The following ABLIM2 variants were observed in gnomAD, a reference collection of about 807,000 sequenced individuals.
ABLIM2 encodes actin-binding LIM protein 2.
In ABLIM2, 53 loss-of-function variants were observed where a neutral mutation model predicts 97.7. That is an observed-to-expected ratio of 0.54 (90% CI 0.44 to 0.68). ABLIM2 has a LOEUF of 0.68. Among genes scored for constraint, ABLIM2 ranks in the 30% least tolerant of loss-of-function variants. ABLIM2 has a pLI of 0.00. For synonymous variants in ABLIM2, 361 were observed against 345.8 expected (o/e 1.04, Z -0.49); for missense variants, 835 against 867.2 (o/e 0.96, Z 0.47).
In ABLIM2 at chr4:8,009,083, C is replaced by A; in HGVS notation, c.1443G>T (p.Gly481=). The part of the protein sequence containing the change: ...YRQHAARRSD[G]EDGSLDQDNR... ...TATCCTGGTCCAAGCTTCCATCCTC[C>A]CCATCCGATCGCCTGGCAGCTGGAA... Residue 481 remains glycine, a synonymous_variant, in exon 15 of 21, where the codon GGG becomes GGT. Transcript: ENST00000447017. 1 of 1,614,040 alleles carries A rather than the reference C, an allele frequency of 6.2e-7. No individual in the cohort carries two copies. Among genetic ancestry groups the A allele is most frequent in the South Asian group, 1.1e-5 (1 of 91,082 alleles).
chr4:8,119,725 T>A (rs371184606), intron 1 of ABLIM2, among the ~76,000 whole-genome samples: 34 of 152,314 alleles, frequency 2.2e-4, no homozygotes, highest in South Asian at 1.2e-3. Flanking sequence ...GACACTGTCT[T>A]TTAAAAAACA....
rs772599997 is a variant in ABLIM2 at position 8,127,577 on chromosome 4, G to A, written c.11-20940C>T. ...TCTCCCCCTGGCACCCCCATGGAGC[G>A]TGGCTGCTTGCAAAGGGCCAGCGGG... On this transcript the variant is annotated intron_variant, in intron 1 of 20. Transcript: ENST00000447017. This position sits in a 1 kb window ranked among gnomAD's most constrained non-coding sequence, Gnocchi z 7.3. 21 of 1,289,612 alleles carry A rather than the reference G, an allele frequency of 1.6e-5. No individual in the cohort carries two copies. The highest frequency in any genetic ancestry group is 1.1e-4 in the East Asian group (2 of 18,026). 79.9% of individuals were successfully genotyped at this position (1,289,612 alleles called of 1,614,324 possible).
At chr4:8,131,999 A>ACGG in intron 1 of ABLIM2, among the ~76,000 whole-genome samples, 3 of 150,256 alleles carry the variant, frequency 2.0e-5, no homozygotes, top group African/African-American at 5.0e-5. Flanking sequence ...CATCCCCTGC[A>ACGG]CAGCAGCCCG....
intron 20 of ABLIM2, among the ~76,000 whole-genome samples, chr4:7,975,765 G>A (rs150012412): frequency 1.1e-4 from 16 of 152,252 alleles, no homozygotes; most frequent in African/African-American, 3.1e-4. Context: ...TGATGTGTGC[G>A]TCGCTATAGT....
intron 2 of ABLIM2, among the ~76,000 whole-genome samples, chr4:8,104,682 G>A (rs754214155): frequency 6.6e-6 from 1 of 152,178 alleles, no homozygotes; most frequent in East Asian, 1.9e-4. Context: ...AGAGCTGGCT[G>A]AGCTCAGCGT....
At position 8,120,155 on chromosome 4, in the gene ABLIM2, C is replaced by T. The variant is rs973909847; in HGVS notation, c.11-13518G>A. On this transcript the variant is annotated intron_variant, in intron 1 of 20. Transcript: ENST00000447017. The surrounding 1 kb of genome is among the most constrained non-coding windows in gnomAD (Gnocchi z 5.6). ...AGGCAGGAAGAGAAAAACAGCCCAG[C>T]GGCCACGCTGCCCCTTCCTCCCAGA... is the stretch of plus-strand genomic sequence containing the variant. Among the ~76,000 whole-genome samples, 9 of 152,122 alleles carry T rather than the reference C, an allele frequency of 5.9e-5. No homozygotes were observed. Among genetic ancestry groups the T allele is most frequent in the Admixed American group, 2.6e-4 (4 of 15,276 alleles).
At chr4:7,978,465 T>C (rs866954667) in intron 20 of ABLIM2, among the ~76,000 whole-genome samples, 1 of 152,156 alleles carries the variant, frequency 6.6e-6, no homozygotes, top group East Asian at 1.9e-4. Context: ...AAAAGTGAAA[T>C]AGAAGTCCTG....
chr4:8,079,761 C>CGT (rs147424853), intron 5 of ABLIM2, among the ~76,000 whole-genome samples: 11 of 151,576 alleles, frequency 7.3e-5, no homozygotes, highest in East Asian at 5.8e-4. Context: ...TGCGTGCGTG[C>CGT]GTGTGTGTGT....
intron 1 of ABLIM2, among the ~76,000 whole-genome samples, chr4:8,121,938 C>T (rs191119394): frequency 6.6e-5 from 10 of 152,284 alleles, no homozygotes; most frequent in South Asian, 4.2e-4. Flanking sequence ...AGTTGGGCAC[C>T]GGACCCAGAC....
chr4:7,991,880 T>C (rs898892461), intron 17 of ABLIM2, among the ~76,000 whole-genome samples: 3 of 152,190 alleles, frequency 2.0e-5, no homozygotes, highest in Non-Finnish European at 2.9e-5. Context: ...GATGGTGTCC[T>C]GTGGCCTTGC....
chr4:8,084,903 C>T (rs1014312095), intron 4 of ABLIM2, among the ~76,000 whole-genome samples: 8 of 152,236 alleles, frequency 5.3e-5, no homozygotes, highest in Non-Finnish European at 1.2e-4. Context: ...TCTGGTTCGG[C>T]ACGGCGCTCG....
rs1560857548 is a variant in ABLIM2 at position 8,039,393 on chromosome 4, G to A, written c.901-3098C>T. Among the ~76,000 whole-genome samples, 10 of 152,138 alleles carry A rather than the reference G, an allele frequency of 6.6e-5. No individual in the cohort carries two copies. In the South Asian group the frequency reaches 2.1e-3, roughly 31 times the overall value. On this transcript the variant is annotated intron_variant, in intron 9 of 20. Coordinates refer to ENST00000447017, the MANE Select transcript of ABLIM2 (RefSeq NM_001130083.2). ...GAACCACCCAGCCCTGACAGCAGGG[G>A]TCAGAGAGGGCAGCCTGCACGATGC...
intron 20 of ABLIM2, 106 bp from the exon 21 acceptor site, chr4:7,967,209 G>A: frequency 1.1e-6 from 1 of 906,808 alleles, no homozygotes. Context: ...ATTGCATTGA[G>A]GATGGGGTGG....
chr4:8,106,928 C>T (rs1837739493), intron 1 of ABLIM2, among the ~76,000 whole-genome samples: 1 of 152,222 alleles, frequency 6.6e-6, no homozygotes, highest in Non-Finnish European at 1.5e-5. Context: ...GCTTCTCATC[C>T]ACATGCACAA....
intron 2 of ABLIM2, among the ~76,000 whole-genome samples, chr4:8,104,291 G>C (rs565834138): frequency 6.6e-6 from 1 of 152,216 alleles, no homozygotes; most frequent in Non-Finnish European, 1.5e-5. Context: ...GCCGGAGAGC[G>C]TGCTGTTCAC....
intron 16 of ABLIM2, chr4:7,993,814 T>C (rs1044899674): frequency 2.3e-6 from 1 of 441,944 alleles, no homozygotes; most frequent in African/African-American, 2.0e-5. Context: ...GGGGCAAGGC[T>C]CGCTGGGGCT....
In ABLIM2 at chr4:8,044,960, TCAAA is replaced by T. The variant is rs975545853; in HGVS notation, c.900+200_900+203del. ...ACAGGTTCCCAGGGGAATTGCCGGG[TCAAA>T]CAAACATGTCTGTGTTTCAGACTCA... On this transcript the variant is annotated intron_variant, in intron 9 of 20. Transcript: ENST00000447017. The surrounding 1 kb of genome is among the most constrained non-coding windows in gnomAD (Gnocchi z 4.4). 7.9e-5 allele frequency among the ~76,000 whole-genome samples: 12 copies of T among 152,104 alleles called. No homozygotes were observed. The highest frequency in any genetic ancestry group is 2.7e-4 in the African/African-American group (11 of 41,412).
chr4:8,047,807 G>T (rs780591098), intron 8 of ABLIM2, among the ~76,000 whole-genome samples: 1 of 152,252 alleles, frequency 6.6e-6, no homozygotes, highest in Non-Finnish European at 1.5e-5. Flanking sequence ...CACGTGAGGT[G>T]CTTAGCACTG....
Position 8,125,434 on chromosome 4 carries a change from C to A in ABLIM2, c.11-18797G>T, listed in dbSNP as rs915662376. 6.6e-6 allele frequency among the ~76,000 whole-genome samples: 1 copy of A among 152,236 alleles called. No individual in the cohort carries two copies. Among genetic ancestry groups the A allele is most frequent in the Non-Finnish European group, 1.5e-5 (1 of 68,046 alleles). On this transcript the variant is annotated intron_variant, in intron 1 of 20. Coordinates refer to ENST00000447017, the MANE Select transcript of ABLIM2 (RefSeq NM_001130083.2). This position sits in a 1 kb window ranked among gnomAD's most constrained non-coding sequence, Gnocchi z 6.2. ...GTTTTAATTGTGGATACCCTTGCTT[C>A]GCATGTGAATCGCGATCTGCAGTGC... is the stretch of plus-strand genomic sequence containing the variant.
Sources: gnomAD v4.1 joint callset for allele counts (sites outside exome capture counted in the v4.1 genomes callset) on GRCh38, gnomAD v4.1.1 for gene constraint, Gnocchi (gnomAD v3.1) non-coding constraint, MANE v1.5 for transcripts, NCBI Gene and HGNC (gene_info 2026-07-23, HGNC 2026-07-21) for gene names.